Variants in SNAP91 observed in about 807,000 individuals in gnomAD.
SNAP91 encodes the protein clathrin coat assembly protein AP180.
A neutral mutation model predicts 100.3 loss-of-function variants in SNAP91; 27 were observed. The observed-to-expected ratio is 0.27, with a 90% confidence interval of 0.20 to 0.37. The LOEUF (loss-of-function observed/expected upper bound fraction) is 0.37, where lower values mean the gene tolerates loss of function less well. Among genes scored for constraint, SNAP91 ranks in the 10% least tolerant of loss-of-function variants. The pLI is 1.00. For missense variants in SNAP91, 986 were observed against 1,123.7 expected (o/e 0.88, Z 1.75); for synonymous variants, 404 against 398.6 (o/e 1.01, Z -0.16).
intron 26 of SNAP91, among the ~76,000 whole-genome samples, chr6:83,561,479 G>A (rs1787549868): frequency 6.6e-6 from 1 of 152,184 alleles, no homozygotes; most frequent in South Asian, 2.1e-4. Flanking sequence ...CCACATCAAT[G>A]ATATAAACAA....
At chr6:83,611,886 T>G (rs1583694237) in intron 11 of SNAP91, among the ~76,000 whole-genome samples, 8 of 124,906 alleles carry the variant, frequency 6.4e-5, no homozygotes, top group Admixed American at 3.5e-4. Context: ...TTTTTTTTTT[T>G]TTTTTTTTGG....
chr6:83,565,510 C>T (rs940572672), intron 26 of SNAP91, among the ~76,000 whole-genome samples: 12 of 152,082 alleles, frequency 7.9e-5, no homozygotes, highest in African/African-American at 2.9e-4. Flanking sequence ...CTGAGTGCTC[C>T]CATGTGTAAG....
intron 9 of SNAP91, among the ~76,000 whole-genome samples, chr6:83,621,070 G>T (rs1360978619): frequency 2.7e-4 from 2 of 7,360 alleles, no homozygotes; most frequent in Non-Finnish European, 5.2e-4. Context: ...GGGATACTTG[G>T]CGCAGGTTTG....
At chr6:83,622,019 A>G (rs1158016803) in intron 9 of SNAP91, among the ~76,000 whole-genome samples, 1 of 152,144 alleles carries the variant, frequency 6.6e-6, no homozygotes, top group East Asian at 1.9e-4. Context: ...TGTTACAAAG[A>G]TAAATCTATA....
intron 2 of SNAP91, among the ~76,000 whole-genome samples, chr6:83,703,487 G>A (rs765586590): frequency 3.3e-5 from 5 of 151,866 alleles, no homozygotes; most frequent in African/African-American, 4.8e-5. Flanking sequence ...TTAAATTTTC[G>A]TTCTATTTTT....
At chr6:83,667,901 G>A (rs2098716437) in intron 2 of SNAP91, among the ~76,000 whole-genome samples, 1 of 152,058 alleles carries the variant, frequency 6.6e-6, no homozygotes, top group South Asian at 2.1e-4. Flanking sequence ...GCAACCTACA[G>A]AATGGGAGAA....
In SNAP91 at chr6:83,601,535, A is replaced by T. The variant is rs1369639278; in HGVS notation, c.1156+50T>A. On this transcript the variant is annotated intron_variant, in intron 15 of 29. Coordinates refer to ENST00000369694, the MANE Select transcript of SNAP91 (RefSeq NM_001242792.2). ...AATGATCAAAATAAGGACAGTTGTT[A>T]CATACAGAAGTCTGTCAAAATGGAA... is the stretch of plus-strand genomic sequence containing the variant. The T allele has an allele frequency of 6.2e-6, 10 of 1,611,966 alleles. No individual in the cohort carries two copies. In the African/African-American group the frequency reaches 1.2e-4, roughly 19 times the overall value.
At chr6:83,580,970 G>A (rs570970445) in intron 23 of SNAP91, among the ~76,000 whole-genome samples, 16 of 152,242 alleles carry the variant, frequency 1.1e-4, no homozygotes, top group African/African-American at 3.6e-4. Flanking sequence ...ACATGGCTTT[G>A]TTGTAAACAT....
At chr6:83,701,945 C>A (rs764317024) in intron 2 of SNAP91, among the ~76,000 whole-genome samples, 1 of 152,106 alleles carries the variant, frequency 6.6e-6, no homozygotes, top group African/African-American at 2.4e-5. Flanking sequence ...AAGGAAGAGT[C>A]GTAATTTCTT....
At chr6:83,684,206 A>T (rs958894341) in intron 2 of SNAP91, among the ~76,000 whole-genome samples, 1 of 152,190 alleles carries the variant, frequency 6.6e-6, no homozygotes, top group South Asian at 2.1e-4. Flanking sequence ...ATGCATCTGG[A>T]CTGGCATTAA....
At chr6:83,575,382 G>T in intron 25 of SNAP91, 1 of 427,448 alleles carries the variant, frequency 2.3e-6, no homozygotes, top group Non-Finnish European at 4.2e-6. Flanking sequence ...ATAAAGAAAA[G>T]TATGTCAGAA....
intron 2 of SNAP91, among the ~76,000 whole-genome samples, chr6:83,679,675 G>A (rs1029161717): frequency 6.6e-6 from 1 of 152,030 alleles, no homozygotes; most frequent in African/African-American, 2.4e-5. Flanking sequence ...GGGGTCGCGA[G>A]GAAAGATCTT....
At chr6:83,659,175 C>T in intron 5 of SNAP91, 83 bp from the exon 6 acceptor site, 1 of 970,666 alleles carries the variant, frequency 1.0e-6, no homozygotes, top group Non-Finnish European at 1.5e-6. Flanking sequence ...AGCTGTTCCC[C>T]CACACCACCC....
Position 83,660,819 on chromosome 6 carries a change from C to T in SNAP91, c.452+683G>A, listed in dbSNP as rs149938997. Among the ~76,000 whole-genome samples, 90 of 151,536 alleles carry T rather than the reference C, an allele frequency of 5.9e-4. 1 individual carries two copies. In the East Asian group the frequency reaches 0.017, roughly 28 times the overall value. On this transcript the variant is annotated intron_variant, in intron 5 of 29. Transcript: ENST00000369694. ...ACACAGGGTCTTAGAGACAGGGTTG[C>T]CCAGGCTGGAGTGCAGGGGCATGAA... is the stretch of plus-strand genomic sequence containing the variant.
intron 14 of SNAP91, among the ~76,000 whole-genome samples, chr6:83,604,109 T>C (rs915483210): frequency 1.3e-5 from 2 of 152,186 alleles, no homozygotes; most frequent in African/African-American, 4.8e-5. Context: ...ATCTTCAGTT[T>C]CATGCCAGGG....
chr6:83,591,618 T>C (rs1255724218), intron 21 of SNAP91, among the ~76,000 whole-genome samples: 1 of 152,136 alleles, frequency 6.6e-6, no homozygotes, highest in Non-Finnish European at 1.5e-5. Context: ...CTAAAGGTAA[T>C]AAAACAGAAT....
At chr6:83,606,964 A>G (rs2128284659) in intron 13 of SNAP91, among the ~76,000 whole-genome samples, 1 of 152,330 alleles carries the variant, frequency 6.6e-6, no homozygotes, top group South Asian at 2.1e-4. Context: ...TAGAGAGTAA[A>G]GCACACAGTT....
At chr6:83,595,403 T>C (rs550479455) in intron 16 of SNAP91, among the ~76,000 whole-genome samples, 1 of 152,350 alleles carries the variant, frequency 6.6e-6, no homozygotes, top group East Asian at 1.9e-4. Context: ...ATCATTAACA[T>C]ACGAGCAGCC....
At position 83,658,544 on chromosome 6, in the gene SNAP91, G is replaced by A. The variant is rs556596640; in HGVS notation, c.546+455C>T. 3.3e-5 allele frequency among the ~76,000 whole-genome samples: 5 copies of A among 152,276 alleles called. No homozygotes were observed. The East Asian group carries it at 9.7e-4, about 29-fold the overall frequency. ...GAATGGCGTGAACCCAGGAGGCAGA[G>A]CTTGTGAGCGGAGATCGCGCCACTG... is the stretch of plus-strand genomic sequence containing the variant. On this transcript the variant is annotated intron_variant, in intron 6 of 29. Coordinates refer to ENST00000369694, the MANE Select transcript of SNAP91 (RefSeq NM_001242792.2).
Sources: gnomAD v4.1 joint callset for allele counts (sites outside exome capture counted in the v4.1 genomes callset) on GRCh38, gnomAD v4.1.1 for gene constraint, MANE v1.5 for transcripts, NCBI Gene and HGNC (gene_info 2026-07-23, HGNC 2026-07-21) for gene names.